The following LPP variants were observed in gnomAD, a reference collection of about 807,000 sequenced individuals.
LPP encodes the protein lipoma-preferred partner.
LPP carries 38 observed loss-of-function variants against 60.4 expected under a neutral mutation model. The observed-to-expected ratio is 0.63, with a 90% confidence interval of 0.49 to 0.83. LPP has a LOEUF of 0.83. Among genes scored for constraint, LPP ranks in the 40% least tolerant of loss-of-function variants. The pLI is 0.00. For synonymous variants in LPP, 328 were observed against 290.8 expected (o/e 1.13, Z -1.30); for missense variants, 902 against 783.6 (o/e 1.15, Z -1.80).
chr3:188,343,844 T>C (rs1763657476), intron 3 of LPP, among the ~76,000 whole-genome samples: 1 of 152,188 alleles, frequency 6.6e-6, no homozygotes, highest in Admixed American at 6.5e-5. Flanking sequence ...GTGGCAATAA[T>C]TGGTATCAGT....
chr3:188,623,100 G>GATACT (rs34675576), intron 7 of LPP, among the ~76,000 whole-genome samples: 2 of 422 alleles, frequency 4.7e-3, no homozygotes, highest in Non-Finnish European at 0.03. Flanking sequence ...CCCCATGATT[G>GATACT]TATGGATGAC....
At chr3:188,771,056 A>G (rs1432568435) in intron 9 of LPP, among the ~76,000 whole-genome samples, 3 of 152,162 alleles carry the variant, frequency 2.0e-5, no homozygotes, top group East Asian at 1.9e-4. Context: ...TGTACTATCT[A>G]TTATAATATT....
chr3:188,609,119 AT>A lies in LPP; in HGVS notation c.430-37del. ...TTTTTATTGAGTTTCGTTGGCAGTA[AT>A]TTTTGCTTTCTTTCTTTCTTTTTTT... On this transcript the variant is annotated intron_variant, in intron 6 of 11. Coordinates refer to ENST00000617246, the MANE Select transcript of LPP (RefSeq NM_001375462.1). This position sits in a 1 kb window ranked among gnomAD's most constrained non-coding sequence, Gnocchi z 6.9. 7.0e-7 allele frequency: 1 copy of A among 1,422,002 alleles called. No homozygotes were observed. The highest frequency in any genetic ancestry group is 9.6e-7 in the Non-Finnish European group (1 of 1,040,840). 88.1% of individuals were successfully genotyped at this position (1,422,002 alleles called of 1,614,324 possible). A position where few individuals can be genotyped will look rare whatever the true frequency, so the allele number is the denominator to read the frequency against.
intron 6 of LPP, among the ~76,000 whole-genome samples, chr3:188,606,791 A>T (rs1842463223): frequency 6.6e-6 from 1 of 152,166 alleles, no homozygotes. Context: ...AGTCATAAAA[A>T]AGTCAGCGTA....
chr3:188,254,448 G>C (rs948143151), intron 2 of LPP, among the ~76,000 whole-genome samples: 3 of 152,168 alleles, frequency 2.0e-5, no homozygotes, highest in Non-Finnish European at 4.4e-5. Context: ...GAGGAAACTG[G>C]CTTGCATTAA....
rs138474591 is a variant in LPP, at chr3:188,259,246, G to C, written c.-67+33719G>C. Among the ~76,000 whole-genome samples, 232 of 152,264 alleles carry C rather than the reference G, an allele frequency of 1.5e-3. 1 individual carries two copies. The East Asian group carries it at 0.03, about 20-fold the overall frequency. On this transcript the variant is annotated intron_variant, in intron 2 of 11. Coordinates refer to ENST00000617246, the MANE Select transcript of LPP (RefSeq NM_001375462.1). ...GGAGATAATCACCGTGGCTCCCAGA[G>C]TGCATCCAGAGACATTTGCCTTGCT... is the stretch of plus-strand genomic sequence containing the variant.
chr3:188,639,961 A>C (rs530721402), intron 7 of LPP, among the ~76,000 whole-genome samples: 1 of 152,130 alleles, frequency 6.6e-6, no homozygotes, highest in Admixed American at 6.6e-5. Context: ...TCAGTGTGGC[A>C]ATACCTCAGG....
intron 7 of LPP, among the ~76,000 whole-genome samples, chr3:188,636,541 G>C (rs1029384235): frequency 1.3e-5 from 2 of 152,156 alleles, no homozygotes; most frequent in Non-Finnish European, 1.5e-5. Flanking sequence ...GCTCGAACTG[G>C]GGGGAGCCCA....
intron 9 of LPP, among the ~76,000 whole-genome samples, chr3:188,816,198 C>CTTTTT (rs34839724): frequency 3.6e-4 from 37 of 103,944 alleles, no homozygotes; most frequent in African/African-American, 4.7e-4. Context: ...GCTTCCTTCT[C>CTTTTT]TTTTTTTTTT....
chr3:188,209,651 G>A (rs1429512392), intron 1 of LPP, among the ~76,000 whole-genome samples: 1 of 152,186 alleles, frequency 6.6e-6, no homozygotes, highest in Admixed American at 6.5e-5. Flanking sequence ...GAACAGGAGT[G>A]GGGATCTTGG....
At chr3:188,625,282 G>C (rs1306401630) in intron 7 of LPP, among the ~76,000 whole-genome samples, 1 of 152,072 alleles carries the variant, frequency 6.6e-6, no homozygotes, top group Non-Finnish European at 1.5e-5. Flanking sequence ...AGAAAACTAA[G>C]ACCCACAGAA....
At chr3:188,797,893 T>C (rs762816435) in intron 9 of LPP, among the ~76,000 whole-genome samples, 14 of 152,214 alleles carry the variant, frequency 9.2e-5, no homozygotes, top group Non-Finnish European at 1.9e-4. Context: ...TGCTTTGAGG[T>C]TGAATTAAGC....
At chr3:188,418,637 G>A (rs1352908736) in intron 4 of LPP, among the ~76,000 whole-genome samples, 1 of 152,092 alleles carries the variant, frequency 6.6e-6, no homozygotes, top group Non-Finnish European at 1.5e-5. Flanking sequence ...ACTATCCAGA[G>A]CGATTTGAAG....
intron 7 of LPP, among the ~76,000 whole-genome samples, chr3:188,627,172 T>TA (rs1364482564): frequency 1.3e-5 from 2 of 152,186 alleles, no homozygotes; most frequent in African/African-American, 4.8e-5. Context: ...GAAAGACTGT[T>TA]ACCTACTTCT....
At chr3:188,783,030 G>A (rs1740322014) in intron 9 of LPP, among the ~76,000 whole-genome samples, 1 of 152,096 alleles carries the variant, frequency 6.6e-6, no homozygotes. Flanking sequence ...CAGATTATCA[G>A]TTGCCAATTG....
At chr3:188,753,880 A>G in intron 8 of LPP, among the ~76,000 whole-genome samples, 1 of 152,224 alleles carries the variant, frequency 6.6e-6, no homozygotes, top group Non-Finnish European at 1.5e-5. Flanking sequence ...TTGAACCTTC[A>G]AGCCTCTCTA....
intron 3 of LPP, among the ~76,000 whole-genome samples, chr3:188,377,734 T>G (rs975870298): frequency 3.9e-5 from 6 of 152,270 alleles, no homozygotes; most frequent in Non-Finnish European, 5.9e-5. Flanking sequence ...TCCAGCTTTA[T>G]TCCATTGCTG....
intron 6 of LPP, among the ~76,000 whole-genome samples, chr3:188,546,122 C>T (rs1172480706): frequency 6.6e-6 from 1 of 151,968 alleles, no homozygotes; most frequent in Non-Finnish European, 1.5e-5. Context: ...TGACGTGGTC[C>T]TTCTCATTTT....
Position 188,883,690 on chromosome 3 carries a change from G to A in LPP, c.*9211G>A, listed in dbSNP as rs942337723. The A allele has an allele frequency of 1.7e-4, 26 of 151,592 alleles. No homozygotes were observed. The highest frequency in any genetic ancestry group is 2.3e-4 in the Non-Finnish European group (18 of 77,122). 9.4% of individuals were successfully genotyped at this position (151,592 alleles called of 1,614,324 possible). A position where few individuals can be genotyped will look rare whatever the true frequency, so the allele number is the denominator to read the frequency against. ...AGAGGTTGCAGTGAGCAGAGATTGC[G>A]CCACTGCACTCCAGCCTGGGCGACA... On this transcript the variant is annotated 3_prime_UTR_variant, in exon 12 of 12. Transcript: ENST00000617246.
Sources: allele counts gnomAD v4.1 joint callset (sites outside exome capture counted in the v4.1 genomes callset), GRCh38; gene constraint gnomAD v4.1.1; non-coding constraint Gnocchi (gnomAD v3.1); transcripts MANE v1.5; gene names NCBI Gene and HGNC (gene_info 2026-07-23, HGNC 2026-07-21).